Variants in TSHR observed in about 807,000 individuals in gnomAD.
TSHR encodes thyroid stimulating hormone receptor.
TSHR carries 51 observed loss-of-function variants against 64.1 expected under a neutral mutation model. That is an observed-to-expected ratio of 0.80 (90% CI 0.64 to 1.01). TSHR has a LOEUF of 1.01. Ranked by LOEUF, TSHR falls within the 50% of genes least tolerant of loss-of-function variation. The pLI is 0.00. For missense variants in TSHR, 877 were observed against 942.8 expected (o/e 0.93, Z 0.91); for synonymous variants, 361 against 361.9 (o/e 1.00, Z 0.03).
chr14:81,101,746 G>A (rs1327059908), intron 7 of TSHR, among the ~76,000 whole-genome samples: 1 of 152,086 alleles, frequency 6.6e-6, no homozygotes, highest in African/African-American at 2.4e-5. Flanking sequence ...GACACACCAA[G>A]AAACCTGATC....
intron 8 of TSHR, among the ~76,000 whole-genome samples, chr14:81,112,468 TATC>T (rs986322874): frequency 2.0e-5 from 3 of 152,144 alleles, no homozygotes; most frequent in Non-Finnish European, 4.4e-5. Flanking sequence ...TGCTCACAAG[TATC>T]ATGAGAATGT....
chr14:81,145,452 C>A lies in TSHR; in HGVS notation c.*1099C>A, dbSNP rs1020374980. On this transcript the variant is annotated 3_prime_UTR_variant, in exon 10 of 10. Transcript: ENST00000298171. ...TGAGCCAAAAATTCAATTAAGTAAA[C>A]ATACTCGCCTGGATCTGAATCATTC... 9 of 232,966 alleles carry A rather than the reference C, an allele frequency of 3.9e-5. No homozygotes were observed. Among genetic ancestry groups the A allele is most frequent in the African/African-American group, 2.0e-4 (9 of 45,304 alleles). The allele number at this position is 232,966 out of a possible 1,614,324, so 14.4% of individuals were successfully genotyped here.
intron 7 of TSHR, 115 bp from the exon 8 acceptor site, chr14:81,108,260 C>G: frequency 1.1e-6 from 1 of 893,622 alleles, no homozygotes; most frequent in Non-Finnish European, 1.8e-6. Flanking sequence ...CTTCTAAATT[C>G]TTGAAATCAG....
chr14:81,006,213 C>T (rs149743498), intron 1 of TSHR, among the ~76,000 whole-genome samples: 45 of 152,308 alleles, frequency 3.0e-4, no homozygotes, highest in African/African-American at 1.1e-3. Context: ...TATGTATTCG[C>T]TTGCTAGTGC....
Position 81,145,523 on chromosome 14 carries a change from G to A in TSHR, c.*1170G>A, listed in dbSNP as rs989803067. On this transcript the variant is annotated 3_prime_UTR_variant, in exon 10 of 10. Transcript: ENST00000298171. ...CAGCTGTTATATCAGGCCAAAAACA[G>A]ATTCGTGTTTATATAAAAGAGTAAA... 4.3e-5 allele frequency: 10 copies of A among 232,710 alleles called. No homozygotes were observed. Among genetic ancestry groups the A allele is most frequent in the Non-Finnish European group, 7.6e-5 (9 of 117,930 alleles). 14.4% of individuals were successfully genotyped at this position (232,710 alleles called of 1,614,324 possible).
At chr14:80,993,062 T>C (rs1328344842) in intron 1 of TSHR, 2 of 152,128 alleles carry the variant, frequency 1.3e-5, no homozygotes, top group Non-Finnish European at 2.9e-5. Context: ...AGAGCTCAAG[T>C]AGGGCTCTGG....
At chr14:81,038,638 T>C (rs1272417154) in intron 1 of TSHR, among the ~76,000 whole-genome samples, 1 of 150,304 alleles carries the variant, frequency 6.7e-6, no homozygotes, top group African/African-American at 2.4e-5. Flanking sequence ...AATCAGAGAT[T>C]AAAAAGAAGC....
chr14:80,965,929 G>T (rs1195198657), intron 1 of TSHR, among the ~76,000 whole-genome samples: 1 of 152,206 alleles, frequency 6.6e-6, no homozygotes, highest in Non-Finnish European at 1.5e-5. Flanking sequence ...CCATCAGAAT[G>T]TTCCAGAAAT....
At chr14:81,055,836 C>T (rs1468181740) in intron 1 of TSHR, among the ~76,000 whole-genome samples, 2 of 152,142 alleles carry the variant, frequency 1.3e-5, no homozygotes, top group Admixed American at 6.5e-5. Context: ...GTTGAAGGGA[C>T]TTGCCTTGTC....
chr14:81,100,327 A>G (rs1018757474), intron 7 of TSHR, among the ~76,000 whole-genome samples: 2 of 152,110 alleles, frequency 1.3e-5, no homozygotes, highest in African/African-American at 4.8e-5. Context: ...TGTTCTACAG[A>G]CTTTTGAGGG....
intron 1 of TSHR, among the ~76,000 whole-genome samples, chr14:80,967,359 C>T (rs1202210755): frequency 6.8e-6 from 1 of 146,318 alleles, no homozygotes; most frequent in Non-Finnish European, 1.5e-5. Context: ...GATCTCGACT[C>T]TCTGCAACCT....
chr14:81,043,149 CTTTG>C (rs1383823541), intron 1 of TSHR, among the ~76,000 whole-genome samples: 1 of 152,142 alleles, frequency 6.6e-6, no homozygotes, highest in South Asian at 2.1e-4. Flanking sequence ...GTCAAATTAT[CTTTG>C]TTTGTAGATA....
intron 1 of TSHR, among the ~76,000 whole-genome samples, chr14:80,974,092 A>C (rs1251589745): frequency 6.6e-6 from 1 of 152,216 alleles, no homozygotes; most frequent in Non-Finnish European, 1.5e-5. Context: ...ATGTAACAGA[A>C]TACGCCTTGA....
At chr14:80,977,702 TA>T (rs986555755) in intron 1 of TSHR, among the ~76,000 whole-genome samples, 49 of 152,312 alleles carry the variant, frequency 3.2e-4, no homozygotes, top group African/African-American at 1.2e-3. Context: ...GGGCTGCTTG[TA>T]CCACAGCCTG....
chr14:81,113,074 G>A (rs1049156124), intron 8 of TSHR, among the ~76,000 whole-genome samples: 2 of 152,182 alleles, frequency 1.3e-5, no homozygotes, highest in Non-Finnish European at 2.9e-5. Context: ...ACAGGAACAT[G>A]CCGGCTGTTG....
chr14:80,981,380 G>A (rs943114017), intron 1 of TSHR, among the ~76,000 whole-genome samples: 3 of 152,124 alleles, frequency 2.0e-5, no homozygotes, highest in African/African-American at 2.4e-5. Flanking sequence ...GGAGCAGGAC[G>A]ACTCTTTGCC....
chr14:80,966,508 A>T (rs1842190099), intron 1 of TSHR, among the ~76,000 whole-genome samples: 1 of 152,052 alleles, frequency 6.6e-6, no homozygotes. Flanking sequence ...CCTATCATAC[A>T]CTAGTACTAT....
At chr14:80,966,057 C>T (rs1887284361) in intron 1 of TSHR, among the ~76,000 whole-genome samples, 1 of 152,210 alleles carries the variant, frequency 6.6e-6, no homozygotes, top group African/African-American at 2.4e-5. Context: ...TTATATGACA[C>T]ATGAAGCTTT....
intron 1 of TSHR, among the ~76,000 whole-genome samples, chr14:80,985,474 C>T (rs1888397213): frequency 6.6e-6 from 1 of 152,182 alleles, no homozygotes; most frequent in African/African-American, 2.4e-5. Context: ...GCAGCTTCAA[C>T]AATACAAAAC....
Sources: gnomAD v4.1 joint callset for allele counts (sites outside exome capture counted in the v4.1 genomes callset) on GRCh38, gnomAD v4.1.1 for gene constraint, MANE v1.5 for transcripts, NCBI Gene and HGNC (gene_info 2026-07-23, HGNC 2026-07-21) for gene names.